Variants in MAST4 observed in about 807,000 individuals in gnomAD.
MAST4 encodes the protein microtubule associated serine/threonine kinase family member 4.
In MAST4, 89 loss-of-function variants were observed where a neutral mutation model predicts 162.7. The ratio of observed to expected loss-of-function variants is 0.55; its 90% CI spans 0.46 to 0.65. MAST4 has a LOEUF of 0.65. MAST4 is among the 30% of genes least tolerant of loss of function. MAST4 has a pLI of 0.00. For missense variants in MAST4, 3,153 were observed against 3,374.0 expected (o/e 0.93, Z 1.62); for synonymous variants, 1,479 against 1,361.1 (o/e 1.09, Z -1.91).
intron 4 of MAST4, among the ~76,000 whole-genome samples, chr5:67,037,248 C>T (rs953442782): frequency 1.1e-4 from 17 of 151,998 alleles, no homozygotes; most frequent in Non-Finnish European, 1.5e-4. Flanking sequence ...AAAGAAGAAA[C>T]GAGAAAGTTA....
chr5:66,852,028 A>G (rs1010239971), intron 3 of MAST4, among the ~76,000 whole-genome samples: 1 of 152,236 alleles, frequency 6.6e-6, no homozygotes, highest in Admixed American at 6.5e-5. Flanking sequence ...GTGGTGGACT[A>G]TTTTGAAAAT....
chr5:66,751,076 G>A (rs1413042975), intron 1 of MAST4, among the ~76,000 whole-genome samples: 1 of 151,968 alleles, frequency 6.6e-6, no homozygotes. Context: ...CAGACCTGCA[G>A]CTGAGGGTCC....
chr5:66,796,446 G>A (rs577887124), intron 3 of MAST4, among the ~76,000 whole-genome samples: 2 of 151,908 alleles, frequency 1.3e-5, no homozygotes, highest in African/African-American at 2.4e-5. Flanking sequence ...ACCTTCTTTA[G>A]GTGTTGTCCT....
At chr5:66,903,396 G>A (rs1312125732) in intron 4 of MAST4, among the ~76,000 whole-genome samples, 1 of 151,798 alleles carries the variant, frequency 6.6e-6, no homozygotes, top group East Asian at 1.9e-4. Flanking sequence ...AGATTTTTAA[G>A]TAATTTGAAT....
intron 3 of MAST4, among the ~76,000 whole-genome samples, chr5:66,789,136 TCTGA>T (rs1278998249): frequency 5.9e-5 from 9 of 152,342 alleles, no homozygotes; most frequent in South Asian, 2.1e-4. Flanking sequence ...TTTATCTAGA[TCTGA>T]CTAACACCTT....
intron 4 of MAST4, among the ~76,000 whole-genome samples, chr5:67,014,433 T>C (rs1753044685): frequency 6.6e-6 from 1 of 152,224 alleles, no homozygotes. Flanking sequence ...TAGTTCTTGT[T>C]ATGGATTCTG....
At chr5:67,039,160 A>G (rs1756409447) in intron 4 of MAST4, among the ~76,000 whole-genome samples, 3 of 152,234 alleles carry the variant, frequency 2.0e-5, no homozygotes, top group African/African-American at 4.8e-5. Flanking sequence ...TAGAAAAATA[A>G]TAAGTGGAAG....
At chr5:66,629,269 G>A (rs1027430903) in intron 1 of MAST4, among the ~76,000 whole-genome samples, 4 of 152,144 alleles carry the variant, frequency 2.6e-5, no homozygotes, top group African/African-American at 4.8e-5. Flanking sequence ...TCCTGAAGAA[G>A]GCTTGTTGCA....
chr5:66,852,846 C>G (rs913408765), intron 3 of MAST4, among the ~76,000 whole-genome samples: 1 of 152,154 alleles, frequency 6.6e-6, no homozygotes, highest in Non-Finnish European at 1.5e-5. Flanking sequence ...ATAGAATTCT[C>G]ATTATATTCC....
At chr5:66,601,125 G>A (rs1339037837) in intron 1 of MAST4, among the ~76,000 whole-genome samples, 6 of 152,182 alleles carry the variant, frequency 3.9e-5, no homozygotes, top group African/African-American at 1.4e-4. Flanking sequence ...TGAGTTTCTG[G>A]TGTTTGTTGG....
chr5:66,649,342 T>C (rs1746063945), intron 1 of MAST4, among the ~76,000 whole-genome samples: 1 of 152,154 alleles, frequency 6.6e-6, no homozygotes, highest in African/African-American at 2.4e-5. Flanking sequence ...TGAACACATG[T>C]GTTGGGCCAG....
intron 5 of MAST4, among the ~76,000 whole-genome samples, chr5:67,074,622 A>T (rs1462136585): frequency 6.6e-6 from 1 of 152,230 alleles, no homozygotes; most frequent in South Asian, 2.1e-4. Context: ...TTTAAAAATC[A>T]CATTTTTGAA....
intron 3 of MAST4, among the ~76,000 whole-genome samples, chr5:66,820,401 A>G (rs996913434): frequency 6.6e-6 from 1 of 152,190 alleles, no homozygotes; most frequent in African/African-American, 2.4e-5. Context: ...TACAATGACA[A>G]TACTGCCAAC....
intron 3 of MAST4, among the ~76,000 whole-genome samples, chr5:66,805,830 G>A (rs1312761172): frequency 6.6e-6 from 1 of 152,210 alleles, no homozygotes; most frequent in Non-Finnish European, 1.5e-5. Context: ...TCAGAGACAG[G>A]CGTTGAGATT....
intron 1 of MAST4, among the ~76,000 whole-genome samples, chr5:66,744,254 G>T (rs1213688311): frequency 6.6e-6 from 1 of 152,030 alleles, no homozygotes; most frequent in African/African-American, 2.4e-5. Flanking sequence ...ACCACGTGGG[G>T]CCCCTGGGCT....
chr5:66,609,392 CTTT>C (rs373893029), intron 1 of MAST4, among the ~76,000 whole-genome samples: 3 of 128,616 alleles, frequency 2.3e-5, no homozygotes, highest in Admixed American at 8.0e-5. Context: ...CAATGCACTA[CTTT>C]TTTTTTTTTT....
At chr5:66,817,014 T>C (rs983709107) in intron 3 of MAST4, among the ~76,000 whole-genome samples, 4 of 152,182 alleles carry the variant, frequency 2.6e-5, no homozygotes, top group Non-Finnish European at 5.9e-5. Context: ...TACCCACCCT[T>C]CTGAGTTATT....
At chr5:67,156,112 C>T (rs530581728) in intron 26 of MAST4, among the ~76,000 whole-genome samples, 178 of 151,310 alleles carry the variant, frequency 1.2e-3, no homozygotes, top group Middle Eastern at 3.4e-3. Flanking sequence ...GGGGCAAGCG[C>T]TCTTGATGCC....
chr5:67,154,644 A>T (rs1207258797), intron 26 of MAST4, among the ~76,000 whole-genome samples: 1 of 152,182 alleles, frequency 6.6e-6, no homozygotes, highest in Admixed American at 6.5e-5. Context: ...TCATTTCTGG[A>T]TGCAGTCGAT....
Sources: gnomAD v4.1 joint callset for allele counts (sites outside exome capture counted in the v4.1 genomes callset) on GRCh38, gnomAD v4.1.1 for gene constraint, MANE v1.5 for transcripts, NCBI Gene and HGNC (gene_info 2026-07-23, HGNC 2026-07-21) for gene names.